DNM3: variants seen among roughly 807,000 people sequenced by gnomAD.
The protein encoded by DNM3 is dynamin-3.
Under a neutral mutation model 101.6 loss-of-function variants are expected in DNM3, and 47 were observed. The ratio of observed to expected loss-of-function variants is 0.46; its 90% CI spans 0.37 to 0.59. The LOEUF (loss-of-function observed/expected upper bound fraction) is 0.59. DNM3 is among the 20% of genes least tolerant of loss of function. The pLI, the probability that DNM3 is intolerant of heterozygous loss-of-function variation, is 0.00. For synonymous variants in DNM3, 385 were observed against 387.9 expected (o/e 0.99, Z 0.09); for missense variants, 849 against 1,085.7 (o/e 0.78, Z 3.06).
chr1:171,945,700 T>C (rs1235311677), intron 2 of DNM3, among the ~76,000 whole-genome samples: 1 of 152,168 alleles, frequency 6.6e-6, no homozygotes, highest in Non-Finnish European at 1.5e-5. Flanking sequence ...AAATGATTTT[T>C]ATTTTTATCT....
At chr1:172,248,953 T>C (rs968420845) in intron 14 of DNM3, among the ~76,000 whole-genome samples, 3 of 152,176 alleles carry the variant, frequency 2.0e-5, no homozygotes, top group Non-Finnish European at 4.4e-5. Flanking sequence ...TTTGAAGATG[T>C]TGTTGCTTTA....
At chr1:172,308,593 T>G in intron 15 of DNM3, 135 bp from the exon 16 acceptor site, 20 of 435,020 alleles carry the variant, frequency 4.6e-5, no homozygotes, top group Admixed American at 4.2e-5. Context: ...TATGAGTTGT[T>G]TTTGTTTTCC....
At chr1:172,287,708 A>G (rs1489727503) in intron 15 of DNM3, among the ~76,000 whole-genome samples, 3 of 151,894 alleles carry the variant, frequency 2.0e-5, no homozygotes, top group Non-Finnish European at 4.4e-5. Context: ...GTCAACCTCC[A>G]ATTTGAATGG....
chr1:171,863,516 A>G (rs563254497), intron 1 of DNM3, among the ~76,000 whole-genome samples: 4 of 152,336 alleles, frequency 2.6e-5, no homozygotes, highest in African/African-American at 9.6e-5. Flanking sequence ...TTCCCTTTTC[A>G]TAAGCCAATA....
intron 1 of DNM3, among the ~76,000 whole-genome samples, chr1:171,898,230 TC>T (rs1332186899): frequency 6.6e-6 from 1 of 152,142 alleles, no homozygotes; most frequent in African/African-American, 2.4e-5. Context: ...TTAGACTTTT[TC>T]TTAATAAGAA....
At chr1:172,235,859 T>G (rs1240462832) in intron 14 of DNM3, among the ~76,000 whole-genome samples, 6 of 148,778 alleles carry the variant, frequency 4.0e-5, no homozygotes, top group Admixed American at 6.7e-5. Context: ...GTGGGGAGAG[T>G]GGGGAGGGAT....
intron 1 of DNM3, among the ~76,000 whole-genome samples, chr1:171,860,505 T>C (rs922495811): frequency 7.2e-5 from 11 of 152,088 alleles, no homozygotes; most frequent in South Asian, 4.1e-4. Context: ...ATAAAATGTA[T>C]TGTTTAATTT....
intron 1 of DNM3, among the ~76,000 whole-genome samples, chr1:171,900,883 C>T (rs916279198): frequency 2.0e-5 from 3 of 151,418 alleles, no homozygotes; most frequent in African/African-American, 4.9e-5. Flanking sequence ...CCGAGGCGGG[C>T]GGATCACGAG....
chr1:172,021,203 G>T (rs1019089116), intron 4 of DNM3, among the ~76,000 whole-genome samples: 10 of 152,200 alleles, frequency 6.6e-5, no homozygotes, highest in African/African-American at 2.4e-4. Context: ...GGGCACAGTG[G>T]CTCATGCCTG....
intron 14 of DNM3, among the ~76,000 whole-genome samples, chr1:172,153,149 G>T (rs946654662): frequency 6.6e-6 from 1 of 152,156 alleles, no homozygotes; most frequent in African/African-American, 2.4e-5. Context: ...GTTCAGCTGT[G>T]CCATTTCCTC....
At chr1:172,145,209 C>T (rs190169680) in intron 14 of DNM3, among the ~76,000 whole-genome samples, 271 of 152,168 alleles carry the variant, frequency 1.8e-3, no homozygotes, top group Non-Finnish European at 2.7e-3. Flanking sequence ...AAGTTGAACA[C>T]TGGAAGGCAG....
chr1:172,278,838 C>T (rs2063384086), intron 15 of DNM3, among the ~76,000 whole-genome samples: 1 of 152,120 alleles, frequency 6.6e-6, no homozygotes, highest in Admixed American at 6.6e-5. Context: ...CAGTGATTGA[C>T]TTAATTTGGA....
rs550060179 is a variant in DNM3, at chr1:171,860,627, A to G, written c.161+18810A>G. ...GCATTGCACTAGATGCTGTGATGAT[A>G]ATGGATTGGAGGCAGGCAAAGTAGC... On this transcript the variant is annotated intron_variant, in intron 1 of 20. Transcript: ENST00000627582. Among the ~76,000 whole-genome samples, 9 of 152,210 alleles carry G rather than the reference A, an allele frequency of 5.9e-5. No individual in the cohort carries two copies. In the East Asian group the frequency reaches 1.7e-3, roughly 29 times the overall value.
intron 14 of DNM3, among the ~76,000 whole-genome samples, chr1:172,210,424 T>C (rs2060475878): frequency 6.6e-6 from 1 of 150,454 alleles, no homozygotes; most frequent in Non-Finnish European, 1.5e-5. Context: ...CACTAACATT[T>C]AGCCCTTGCA....
intron 14 of DNM3, among the ~76,000 whole-genome samples, chr1:172,241,214 A>G (rs1013135234): frequency 2.4e-4 from 35 of 146,160 alleles, no homozygotes; most frequent in African/African-American, 8.0e-4. Flanking sequence ...CATGGTATTT[A>G]TCATATATAT....
intron 15 of DNM3, among the ~76,000 whole-genome samples, chr1:172,276,355 A>G (rs2063286537): frequency 6.6e-6 from 1 of 151,924 alleles, no homozygotes; most frequent in South Asian, 2.1e-4. Context: ...TCACTTGACT[A>G]TTTTCTGCAC....
At chr1:172,233,347 T>A (rs1357077767) in intron 14 of DNM3, among the ~76,000 whole-genome samples, 1 of 152,124 alleles carries the variant, frequency 6.6e-6, no homozygotes, top group Non-Finnish European at 1.5e-5. Flanking sequence ...CAGGAAGAAG[T>A]TGAATCTCTG....
intron 14 of DNM3, among the ~76,000 whole-genome samples, chr1:172,191,479 G>A (rs1172583319): frequency 6.6e-6 from 1 of 152,178 alleles, no homozygotes; most frequent in Non-Finnish European, 1.5e-5. Flanking sequence ...TTTTGGCTTA[G>A]GATTGTCTTG....
intron 2 of DNM3, among the ~76,000 whole-genome samples, chr1:171,970,907 T>C (rs1044079320): frequency 1.3e-5 from 2 of 152,092 alleles, no homozygotes; most frequent in African/African-American, 4.8e-5. Context: ...CCCTAACAGG[T>C]TATAACAATC....
Sources: allele counts gnomAD v4.1 joint callset (sites outside exome capture counted in the v4.1 genomes callset), GRCh38; gene constraint gnomAD v4.1.1; transcripts MANE v1.5; gene names NCBI Gene and HGNC (gene_info 2026-07-23, HGNC 2026-07-21).